The following GTPBP3 variants were observed in gnomAD, a reference collection of about 807,000 sequenced individuals.
GTPBP3 encodes 5-taurinomethyluridine-[tRNA] synthase subunit GTPB3, mitochondrial.
A neutral mutation model predicts 42.0 loss-of-function variants in GTPBP3; 35 were observed. That is an observed-to-expected ratio of 0.83 (90% confidence interval 0.64 to 1.10). The LOEUF is 1.10. Ranked by LOEUF, GTPBP3 falls within the 50% of genes least tolerant of loss-of-function variation. GTPBP3 has a pLI of 0.00. For missense variants in GTPBP3, 691 were observed against 685.2 expected (o/e 1.01, Z -0.09); for synonymous variants, 332 against 314.9 (o/e 1.05, Z -0.58).
intron 7 of GTPBP3, chr19:17,340,798 C>CTGCTGCTGTCCTGTCTGACGGGAGAG: frequency 1.8e-6 from 1 of 561,146 alleles, no homozygotes; most frequent in South Asian, 2.2e-5. Flanking sequence ...GCTCCCGCAC[C>CTGCTGCTGTCCTGTCTGACGGGAGAG]GTGACCGCTC....
At chr19:17,335,326 C>T (rs1276569067), upstream of GTPBP3, among the ~76,000 whole-genome samples, 1 of 152,204 alleles carries the variant, frequency 6.6e-6, no homozygotes, top group African/African-American at 2.4e-5. Flanking sequence ...AGGATGTAAC[C>T]TCGGAGAGGA....
rs1268419838 is a variant in GTPBP3 at position 17,338,997 on chromosome 19, A to T, written c.635A>T (p.Asp212Val). ...VEAYIDFGED[D>V]NLEEGVLEQA... ...GCCTATATCGATTTCGGCGAGGATG[A>T]CAACCTGGAGGAGGGGGTCCTGGAG... The change falls in exon 5 of 9, where the codon GAC becomes GTC. Residue 212 changes from aspartate (D) to valine (V), a missense_variant. By Grantham distance (152) the Asp-to-Val change is radical. Transcript: ENST00000324894. 6.2e-7 allele frequency: 1 copy of T among 1,613,562 alleles called. No individual in the cohort carries two copies. The highest frequency in any genetic ancestry group is 1.1e-5 in the South Asian group (1 of 91,016).
Position 17,337,592 on chromosome 19 carries a change from G to T in GTPBP3, c.-20G>T. 7.6e-7 allele frequency: 1 copy of T among 1,311,062 alleles called. No individual in the cohort carries two copies. Among genetic ancestry groups the T allele is most frequent in the Non-Finnish European group, 9.8e-7 (1 of 1,023,900 alleles). The allele number at this position is 1,311,062 out of a possible 1,614,324, so 81.2% of individuals were successfully genotyped here. On this transcript the variant is annotated 5_prime_UTR_variant, in exon 1 of 9. Coordinates refer to ENST00000324894, the MANE Select transcript of GTPBP3 (RefSeq NM_032620.4). ...AGCCACACAGGCAGGTCGGGCAGGC[G>T]GGTCGCAGGTTGTAAATCCATGTGG... is the stretch of plus-strand genomic sequence containing the variant.
At chr19:17,340,012 G>A (rs1169733575) in intron 7 of GTPBP3, among the ~76,000 whole-genome samples, 3 of 149,006 alleles carry the variant, frequency 2.0e-5, no homozygotes, top group East Asian at 2.0e-4. Flanking sequence ...AGTGTTGTGA[G>A]CCCACCGCAC....
At position 17,341,933 on chromosome 19, in the gene GTPBP3, T is replaced by C. The variant is rs2074436973; in HGVS notation, c.*230T>C. The C allele has an allele frequency of 2.3e-6, 1 of 430,414 alleles. No homozygotes were observed. Among genetic ancestry groups the C allele is most frequent in the Non-Finnish European group, 4.1e-6 (1 of 245,368 alleles). The allele number at this position is 430,414 out of a possible 1,614,324, so 26.7% of individuals were successfully genotyped here. The stretch of plus-strand genomic sequence containing the variant: ...CCGTTCGACCCTTGATGCTGGGGCA[T>C]CCGGGTTGGGATGGAGATAGGAGGA... On this transcript the variant is annotated 3_prime_UTR_variant, in exon 9 of 9. Coordinates refer to ENST00000324894, the MANE Select transcript of GTPBP3 (RefSeq NM_032620.4).
chr19:17,341,076 T>C lies in GTPBP3; in HGVS notation c.1007T>C (p.Leu336Pro), dbSNP rs1484422835. Residue 336 changes from leucine to proline, a missense_variant, in exon 8 of 9, where the codon CTG becomes CCG. Transcript: ENST00000324894. ...CAGGCTGACCTCATTCTGGCCATGC[T>C]GGATGCTTCTGACCTGGCCTCTCCC... ...LEQADLILAM[L>P]DASDLASPSS... is the part of the protein sequence containing the mutation. 6.2e-7 allele frequency: 1 copy of C among 1,613,900 alleles called. No homozygotes were observed. Among genetic ancestry groups the C allele is most frequent in the South Asian group, 1.1e-5 (1 of 91,082 alleles).
chr19:17,340,931 C>T, intron 7 of GTPBP3, 113 bp from the exon 8 acceptor site: 1 of 1,248,660 alleles, frequency 8.0e-7, no homozygotes, highest in Non-Finnish European at 1.1e-6. Context: ...CCCTCCCGAC[C>T]TCACGCTTCG....
rs1187406967 is a variant in GTPBP3, at chr19:17,339,012, G to C, written c.650G>C (p.Gly217Ala). 1 of 1,613,910 alleles carries C rather than the reference G, an allele frequency of 6.2e-7. No homozygotes were observed. The highest frequency in any genetic ancestry group is 8.5e-7 in the Non-Finnish European group (1 of 1,179,908). Residue 217 changes from glycine (G) to alanine (A), a missense_variant, in exon 5 of 9, where the codon GGG (glycine) becomes GCG (alanine). Physicochemically the swap from Gly to Ala is moderately conservative, Grantham distance 60. Coordinates refer to ENST00000324894, the MANE Select transcript of GTPBP3 (RefSeq NM_032620.4). ...GGCGAGGATGACAACCTGGAGGAGG[G>C]GGTCCTGGAGCAAGGTGGGTCTACC... ...DFGEDDNLEE[G>A]VLEQADIEVR...
chr19:17,338,229 A>G lies in GTPBP3; in HGVS notation c.275A>G (p.Asp92Gly). 2 of 1,584,464 alleles carry G rather than the reference A, an allele frequency of 1.3e-6. No homozygotes were observed. Among genetic ancestry groups the G allele is most frequent in the Non-Finnish European group, 1.7e-6 (2 of 1,170,860 alleles). ...LSDPRSGEPLDRALVLWFPGP... is the reference protein window; with the variant it reads ...LSDPRSGEPLGRALVLWFPGP... ...GATCCCCGCTCCGGGGAGCCTCTGG[A>G]CCGCGCACTGGTGCTCTGGTTCCCA... The change falls in exon 2 of 9, where the codon GAC becomes GGC. Residue 92 changes from aspartate to glycine, a missense_variant. Physicochemically the swap from Asp to Gly is moderately conservative, Grantham distance 94. Transcript: ENST00000324894.
chr19:17,339,734 G>C (rs1200278126), intron 7 of GTPBP3, 135 bp downstream of exon 7: 1 of 724,896 alleles, frequency 1.4e-6, no homozygotes, highest in Non-Finnish European at 2.0e-6. Flanking sequence ...TCAGGGATTT[G>C]GTTCTTTTTT....
Position 17,338,597 on chromosome 19 carries a change from C to T in GTPBP3, c.447C>T (p.Ala149=). 6.2e-7 allele frequency: 1 copy of T among 1,614,066 alleles called. No homozygotes were observed. The highest frequency in any genetic ancestry group is 8.5e-7 in the Non-Finnish European group (1 of 1,179,964). Residue 149 remains alanine (A), a synonymous_variant, in exon 4 of 9, where the codon GCC becomes GCT. Coordinates refer to ENST00000324894, the MANE Select transcript of GTPBP3 (RefSeq NM_032620.4). ...GCGAGTTCACCAGACGGGCGTTCGC[C>T]AATGGGAAGCTGAACCTGACCGAAG... is the stretch of plus-strand genomic sequence containing the variant. ...EAGEFTRRAF[A]NGKLNLTEVE... is the part of the protein sequence containing the mutation.
chr19:17,339,716 C>A, intron 7 of GTPBP3, 117 bp downstream of exon 7: 1 of 966,678 alleles, frequency 1.0e-6, no homozygotes, highest in Non-Finnish European at 1.5e-6. Context: ...CCCTATCAAG[C>A]ATGGATCTCA....
At position 17,341,921 on chromosome 19, in the gene GTPBP3, G is replaced by A. The variant is rs1252720959; in HGVS notation, c.*218G>A. On this transcript the variant is annotated 3_prime_UTR_variant, in exon 9 of 9. Coordinates refer to ENST00000324894, the MANE Select transcript of GTPBP3 (RefSeq NM_032620.4). ...TGAATGGAGGTCCCGTTCGACCCTT[G>A]ATGCTGGGGCATCCGGGTTGGGATG... The A allele has an allele frequency of 2.5e-5, 11 of 438,628 alleles. No homozygotes were observed. The East Asian group carries it at 3.4e-4, about 14-fold the overall frequency. The allele number at this position is 438,628 out of a possible 1,614,324, so 27.2% of individuals were successfully genotyped here.
chr19:17,335,044 T>A, upstream of GTPBP3: 1 of 1,536,138 alleles, frequency 6.5e-7, no homozygotes, highest in Non-Finnish European at 8.7e-7. Flanking sequence ...TGCTTTCTTC[T>A]GGTCCCCGCC....
chr19:17,337,110 G>A (rs1351473601), upstream of GTPBP3: 2 of 153,226 alleles, frequency 1.3e-5, no homozygotes, highest in Non-Finnish European at 2.9e-5. Flanking sequence ...CGTCCCTCCC[G>A]GTCACCGAGA....
chr19:17,340,875 G>C (rs1431260559), intron 7 of GTPBP3, 169 bp from the exon 8 acceptor site: 11 of 476,150 alleles, frequency 2.3e-5, no homozygotes, highest in South Asian at 8.1e-5. Context: ...CCCTGTGCTC[G>C]GCTTGGGCCC....
upstream of GTPBP3, among the ~76,000 whole-genome samples, chr19:17,336,235 CAAAAAAAAAAAAA>C (rs1196472362): frequency 9.0e-3 from 143 of 15,806 alleles, 2 homozygotes; most frequent in African/African-American, 0.035. Context: ...GACCCCGTCT[CAAAAAAAAAAAAA>C]AAAAAAAAAA....
chr19:17,339,735 G>GTTA, intron 7 of GTPBP3, 136 bp downstream of exon 7: 1 of 763,636 alleles, frequency 1.3e-6, no homozygotes, highest in Non-Finnish European at 1.9e-6. Context: ...CAGGGATTTG[G>GTTA]TTCTTTTTTT....
In GTPBP3 at chr19:17,338,835, G is replaced by A. The variant is rs573661130; in HGVS notation, c.591+94G>A. The stretch of plus-strand genomic sequence containing the variant: ...TCTCAATCCCGCATTCATTCCCTGC[G>A]TGAAAGCTTCCGGCCTATGAGCCGC... On this transcript the variant is annotated intron_variant, in intron 4 of 8. Transcript: ENST00000324894. 132 of 1,533,006 alleles carry A rather than the reference G, an allele frequency of 8.6e-5. No homozygotes were observed. In the African/African-American group the frequency reaches 1.5e-3, roughly 18 times the overall value. 95.0% of individuals were successfully genotyped at this position (1,533,006 alleles called of 1,614,324 possible).
Sources: allele counts gnomAD v4.1 joint callset (sites outside exome capture counted in the v4.1 genomes callset), GRCh38; gene constraint gnomAD v4.1.1; transcripts MANE v1.5; gene names NCBI Gene and HGNC (gene_info 2026-07-23, HGNC 2026-07-21).